RBFOX1: variants seen among roughly 807,000 people sequenced by gnomAD.
The protein encoded by RBFOX1 is RNA binding protein fox-1 homolog 1.
In RBFOX1, 8 loss-of-function variants were observed where a neutral mutation model predicts 57.7. The ratio of observed to expected loss-of-function variants is 0.14; its 90% CI spans 0.08 to 0.25. The LOEUF is 0.25. Ranked by LOEUF, RBFOX1 falls within the 10% of genes least tolerant of loss-of-function variation. The pLI is 1.00. For missense variants in RBFOX1, 611 were observed against 548.5 expected, an observed-to-expected ratio of 1.11 and a Z score of -1.14; for synonymous variants, 326 against 222.4, an observed-to-expected ratio of 1.47 and a Z score of -4.15.
At chr16:6,362,360 A>T (rs999460650) in intron 2 of RBFOX1, among the ~76,000 whole-genome samples, 1 of 152,114 alleles carries the variant, frequency 6.6e-6, no homozygotes, top group Non-Finnish European at 1.5e-5. Flanking sequence ...ATTTGATGAT[A>T]CTTAGACCTG....
chr16:5,661,389 A>C (rs1401235066), intron 3 of RBFOX1, among the ~76,000 whole-genome samples: 4 of 152,194 alleles, frequency 2.6e-5, no homozygotes, highest in Non-Finnish European at 5.9e-5. Flanking sequence ...TATAAGCCAC[A>C]GTAAGTTGTA....
intron 3 of RBFOX1, among the ~76,000 whole-genome samples, chr16:6,883,327 A>C (rs2153346686): frequency 6.6e-6 from 1 of 152,298 alleles, no homozygotes; most frequent in Non-Finnish European, 1.5e-5. Context: ...AATTTGAATG[A>C]GTTAATAAGG....
chr16:7,154,614 T>C (rs1438670951), intron 4 of RBFOX1, among the ~76,000 whole-genome samples: 2 of 151,886 alleles, frequency 1.3e-5, no homozygotes, highest in Non-Finnish European at 2.9e-5. Context: ...CTGAAAATAG[T>C]GGGCAGTTGT....
At chr16:6,900,591 T>C (rs7206467) in intron 3 of RBFOX1, among the ~76,000 whole-genome samples, 120,225 of 152,142 alleles carry the variant, frequency 0.79, 48,365 homozygotes, top group African/African-American at 0.95. Flanking sequence ...TTTTCCAGTT[T>C]TAGCAATGTG....
At chr16:6,701,403 C>A (rs1212041686) in intron 3 of RBFOX1, among the ~76,000 whole-genome samples, 2 of 152,174 alleles carry the variant, frequency 1.3e-5, no homozygotes, top group Non-Finnish European at 2.9e-5. Flanking sequence ...AAGACATCTG[C>A]ATTAGTCTGT....
chr16:6,142,854 T>G (rs377703698), intron 1 of RBFOX1, among the ~76,000 whole-genome samples: 5 of 152,190 alleles, frequency 3.3e-5, no homozygotes, highest in Non-Finnish European at 7.3e-5. Flanking sequence ...CATTCAAGAC[T>G]CAACTCATTC....
chr16:5,958,921 C>T (rs1034871157), intron 4 of RBFOX1, among the ~76,000 whole-genome samples: 1 of 152,174 alleles, frequency 6.6e-6, no homozygotes, highest in South Asian at 2.1e-4. Context: ...TCCAGGATAA[C>T]CTCCCCATCT....
At chr16:6,597,371 C>A (rs1191035835) in intron 2 of RBFOX1, among the ~76,000 whole-genome samples, 1 of 152,040 alleles carries the variant, frequency 6.6e-6, no homozygotes, top group Non-Finnish European at 1.5e-5. Context: ...ATATCCTAGC[C>A]TCCTTTAAAA....
chr16:7,206,308 G>C (rs2089956360), intron 4 of RBFOX1, among the ~76,000 whole-genome samples: 1 of 151,964 alleles, frequency 6.6e-6, no homozygotes, highest in Admixed American at 6.6e-5. Flanking sequence ...AAAGTTTTCA[G>C]GTTGTGTACC....
chr16:7,199,601 G>A (rs183555787), intron 4 of RBFOX1, among the ~76,000 whole-genome samples: 29 of 152,250 alleles, frequency 1.9e-4, no homozygotes, highest in Admixed American at 1.5e-3. Flanking sequence ...GATGAAATTA[G>A]ACAAAAAGGC....
At chr16:6,260,989 A>G (rs2097698400) in intron 1 of RBFOX1, among the ~76,000 whole-genome samples, 1 of 152,222 alleles carries the variant, frequency 6.6e-6, no homozygotes, top group South Asian at 2.1e-4. Flanking sequence ...CATGGACAAA[A>G]TATATCTGTG....
At chr16:7,408,883 C>G (rs951210878) in intron 4 of RBFOX1, among the ~76,000 whole-genome samples, 4 of 150,828 alleles carry the variant, frequency 2.7e-5, no homozygotes, top group East Asian at 2.0e-4. Flanking sequence ...CAGATAAGAA[C>G]CATTGTTCTA....
Position 7,052,063 on chromosome 16 carries a change from A to G in RBFOX1, c.-9A>G, listed in dbSNP as rs542039413. On this transcript the variant is annotated 5_prime_UTR_variant, in exon 4 of 16. Transcript: ENST00000550418. ...CATTTTCTTTTCTTTCTAGGTTTCA[A>G]GACAACAGATGAATTGTGAAAGAGA... is the stretch of plus-strand genomic sequence containing the variant. 1.2e-6 allele frequency: 2 copies of G among 1,612,650 alleles called. No individual in the cohort carries two copies. Among genetic ancestry groups the G allele is most frequent in the African/African-American group, 1.3e-5 (1 of 74,980 alleles).
chr16:7,390,501 G>C (rs1176579589), intron 4 of RBFOX1, among the ~76,000 whole-genome samples: 12 of 152,164 alleles, frequency 7.9e-5, no homozygotes, highest in African/African-American at 2.4e-5. Flanking sequence ...CTGTTCAAAA[G>C]AATACCTTCT....
At chr16:7,505,421 A>T (rs530898631) in intron 4 of RBFOX1, among the ~76,000 whole-genome samples, 2 of 152,286 alleles carry the variant, frequency 1.3e-5, no homozygotes, top group East Asian at 3.9e-4. Context: ...TAAGTGCTTG[A>T]TGCCGTTGGT....
chr16:6,889,677 G>A (rs995368988), intron 3 of RBFOX1, among the ~76,000 whole-genome samples: 3 of 152,136 alleles, frequency 2.0e-5, no homozygotes, highest in African/African-American at 7.2e-5. Context: ...ATGTAGTCCA[G>A]CACCTAATGG....
At chr16:6,102,846 G>T (rs12918602) in intron 1 of RBFOX1, among the ~76,000 whole-genome samples, 39,318 of 151,984 alleles carry the variant, frequency 0.26, 6,308 homozygotes, top group Non-Finnish European at 0.36. Context: ...CTTGTGTCCT[G>T]GCTTGTAGGA....
chr16:7,429,679 G>C (rs1157106810), intron 4 of RBFOX1, among the ~76,000 whole-genome samples: 1 of 152,126 alleles, frequency 6.6e-6, no homozygotes, highest in African/African-American at 2.4e-5. Context: ...CATGGGACAT[G>C]GCAAAGGTAG....
At chr16:5,326,537 G>C (rs114354002) in intron 1 of RBFOX1, among the ~76,000 whole-genome samples, 256 of 152,196 alleles carry the variant, frequency 1.7e-3, no homozygotes, top group African/African-American at 5.9e-3. Context: ...GTGTGCCCTG[G>C]TACGATGCAC....
Sources: allele counts gnomAD v4.1 joint callset (sites outside exome capture counted in the v4.1 genomes callset), GRCh38; gene constraint gnomAD v4.1.1; transcripts MANE v1.5; gene names NCBI Gene and HGNC (gene_info 2026-07-23, HGNC 2026-07-21).